Variants in CSGALNACT1 observed in about 807,000 individuals in gnomAD.
CSGALNACT1 encodes beta4GalNAcT-1.
CSGALNACT1 carries 52 observed loss-of-function variants against 51.0 expected under a neutral mutation model. The ratio of observed to expected loss-of-function variants is 1.02; its 90% CI spans 0.82 to 1.29. The LOEUF is 1.29. CSGALNACT1 is among the 50% of genes most tolerant of loss of function. The probability of loss-of-function intolerance (pLI) is 0.00; values close to 1 mark genes in which losing one functional copy is unlikely to be tolerated. For synonymous variants in CSGALNACT1, 341 were observed against 254.4 expected (o/e 1.34, Z -3.24); for missense variants, 935 against 679.2 (o/e 1.38, Z -4.19).
chr8:19,542,200 AACACAC>A lies in CSGALNACT1; in HGVS notation c.-296-36076_-296-36071del, dbSNP rs55968136. 6.1e-4 allele frequency among the ~76,000 whole-genome samples: 88 copies of A among 143,992 alleles called. 1 individual carries two copies. Among genetic ancestry groups the A allele is most frequent in the African/African-American group, 9.2e-4 (36 of 38,952 alleles). The allele number at this position is 143,992 out of a possible 152,430, so 94.5% of individuals were successfully genotyped here. ...AAGAAAGAAGAGAGACAGCACAAGAAACACACACACACACACACACACACACACACA... is the reference window on the plus strand; with the variant it reads ...AAGAAAGAAGAGAGACAGCACAAGAAACACACACACACACACACACACACA... On this transcript the variant is annotated intron_variant, in intron 3 of 9. Coordinates refer to ENST00000454498, the Ensembl canonical transcript of CSGALNACT1.
chr8:19,490,628 T>C (rs747874814), intron 4 of CSGALNACT1, among the ~76,000 whole-genome samples: 33 of 152,304 alleles, frequency 2.2e-4, no homozygotes, highest in Non-Finnish European at 3.4e-4. Context: ...TATATGCTGA[T>C]TGGTTCTCTC....
At chr8:19,686,910 C>A (rs1367802738), upstream of CSGALNACT1, among the ~76,000 whole-genome samples, 1 of 152,130 alleles carries the variant, frequency 6.6e-6, no homozygotes, top group Non-Finnish European at 1.5e-5. Context: ...TCTCTGACTC[C>A]ATGGCCAACA....
intron 1 of CSGALNACT1, among the ~76,000 whole-genome samples, chr8:19,739,272 C>T (rs1423096709): frequency 6.6e-6 from 1 of 151,726 alleles, no homozygotes; most frequent in Non-Finnish European, 1.5e-5. Flanking sequence ...GAAAATAGAA[C>T]GTTCAAGTCA....
At chr8:19,530,021 T>C (rs1436106183) in intron 3 of CSGALNACT1, among the ~76,000 whole-genome samples, 2 of 151,724 alleles carry the variant, frequency 1.3e-5, no homozygotes, top group African/African-American at 4.8e-5. Context: ...GGAGTTGGAG[T>C]CCAGCCTGGT....
intron 1 of CSGALNACT1, among the ~76,000 whole-genome samples, chr8:19,616,886 A>G (rs535012600): frequency 1.3e-5 from 2 of 152,234 alleles, no homozygotes; most frequent in South Asian, 4.1e-4. Flanking sequence ...CGTGGAAGAC[A>G]CTTTTCCCAC....
intron 4 of CSGALNACT1, among the ~76,000 whole-genome samples, chr8:19,483,609 T>C (rs1417198735): frequency 6.6e-6 from 1 of 152,158 alleles, no homozygotes; most frequent in Non-Finnish European, 1.5e-5. Context: ...TTCCACACCC[T>C]ACAAGAGTGG....
intron 4 of CSGALNACT1, among the ~76,000 whole-genome samples, chr8:19,476,256 T>C (rs915936361): frequency 7.2e-5 from 11 of 152,214 alleles, no homozygotes; most frequent in Non-Finnish European, 1.5e-5. Flanking sequence ...TTTGGTTTTT[T>C]GAGATGGAGA....
intron 5 of CSGALNACT1, among the ~76,000 whole-genome samples, chr8:19,445,850 CAT>C (rs954648477): frequency 7.2e-5 from 11 of 152,036 alleles, no homozygotes; most frequent in African/African-American, 2.2e-4. Context: ...TGAATGTGTC[CAT>C]ATGTTTTTGG....
chr8:19,666,941 GAAAAAGAAAGAAAGAAAGAAAGAAAGAA>G (rs2059315674), intron 1 of CSGALNACT1, among the ~76,000 whole-genome samples: 1 of 114,494 alleles, frequency 8.7e-6, no homozygotes, highest in Admixed American at 9.2e-5. Context: ...GAGAGAGAGA[GAAAAAGAAAGAAAGAAAGAAAGAAAGAA>G]AGAAAGAAAG....
chr8:19,436,804 A>G (rs1399102050), intron 6 of CSGALNACT1, among the ~76,000 whole-genome samples: 2 of 152,166 alleles, frequency 1.3e-5, no homozygotes, highest in Non-Finnish European at 2.9e-5. Flanking sequence ...CCAGCTACTA[A>G]GGAGGCTAAG....
At chr8:19,407,537 T>G (rs2054492343) in intron 9 of CSGALNACT1, among the ~76,000 whole-genome samples, 1 of 152,176 alleles carries the variant, frequency 6.6e-6, no homozygotes, top group Admixed American at 6.5e-5. Context: ...AGAGTCAGTA[T>G]TGCTATGGGA....
intron 6 of CSGALNACT1, among the ~76,000 whole-genome samples, chr8:19,423,632 C>A (rs1477370584): frequency 1.3e-5 from 2 of 152,030 alleles, no homozygotes; most frequent in Non-Finnish European, 2.9e-5. Context: ...TCTGACATGA[C>A]CTTAATTTGG....
chr8:19,436,366 C>G (rs1736178115), intron 6 of CSGALNACT1, among the ~76,000 whole-genome samples: 1 of 152,134 alleles, frequency 6.6e-6, no homozygotes, highest in Admixed American at 6.6e-5. Context: ...TAACAGGAGG[C>G]TCTGATTCTG....
intron 1 of CSGALNACT1, among the ~76,000 whole-genome samples, chr8:19,651,135 T>A (rs747987103): frequency 6.6e-6 from 1 of 152,214 alleles, no homozygotes; most frequent in Non-Finnish European, 1.5e-5. Flanking sequence ...GGTTTTGCCA[T>A]TGTAGTACAG....
intron 3 of CSGALNACT1, among the ~76,000 whole-genome samples, chr8:19,565,550 T>C (rs147873972): frequency 5.3e-5 from 8 of 152,336 alleles, no homozygotes; most frequent in African/African-American, 1.7e-4. Context: ...AAAGGATAAA[T>C]TTGAGAGATA....
intron 3 of CSGALNACT1, among the ~76,000 whole-genome samples, chr8:19,529,589 T>C (rs571004998): frequency 1.3e-5 from 2 of 152,328 alleles, no homozygotes; most frequent in Non-Finnish European, 2.9e-5. Flanking sequence ...TACGTATCAA[T>C]ATCAAAATAG....
At chr8:19,729,349 C>A (rs1049386837) in intron 1 of CSGALNACT1, among the ~76,000 whole-genome samples, 1 of 152,196 alleles carries the variant, frequency 6.6e-6, no homozygotes, top group Non-Finnish European at 1.5e-5. Context: ...CACATGCAAA[C>A]TAGCAACCAT....
At chr8:19,553,459 A>C (rs954539960) in intron 3 of CSGALNACT1, among the ~76,000 whole-genome samples, 3 of 151,882 alleles carry the variant, frequency 2.0e-5, no homozygotes, top group African/African-American at 7.3e-5. Context: ...GGGAGGCCCA[A>C]AATGCAAGAG....
At chr8:19,685,459 A>G (rs1243225965), upstream of CSGALNACT1, among the ~76,000 whole-genome samples, 2 of 152,290 alleles carry the variant, frequency 1.3e-5, no homozygotes. Context: ...GCACTCCAGC[A>G]TGGGAGACAG....
Sources: allele counts gnomAD v4.1 joint callset (sites outside exome capture counted in the v4.1 genomes callset), GRCh38; gene constraint gnomAD v4.1.1; transcripts MANE v1.5; gene names NCBI Gene and HGNC (gene_info 2026-07-23, HGNC 2026-07-21).